SPDYA: variants seen among roughly 807,000 people sequenced by gnomAD.
The protein encoded by SPDYA is speedy/RINGO cell cycle regulator family member A, also known as speedy protein A.
Under a neutral mutation model 36.7 loss-of-function variants are expected in SPDYA, and 11 were observed. The observed-to-expected ratio is 0.30, with a 90% confidence interval of 0.19 to 0.50. The LOEUF (loss-of-function observed/expected upper bound fraction) is 0.50, where lower values mean the gene tolerates loss of function less well. Among genes scored for constraint, SPDYA ranks in the 20% least tolerant of loss-of-function variants. The probability of loss-of-function intolerance (pLI) is 0.98; values close to 1 mark genes in which losing one functional copy is unlikely to be tolerated. For missense variants in SPDYA, 287 were observed against 370.9 expected, an observed-to-expected ratio of 0.77 and a Z score of 1.86; for synonymous variants, 115 against 118.7, an observed-to-expected ratio of 0.97 and a Z score of 0.20.
In SPDYA at chr2:28,840,345, G is replaced by A. The variant is rs772742815; in HGVS notation, c.726G>A (p.Leu242=). The change falls in exon 7 of 8, where the codon TTG becomes TTA. Residue 242 remains leucine (L), a synonymous_variant. Coordinates refer to ENST00000334056, the MANE Select transcript of SPDYA (RefSeq NM_182756.4). ...GKKRRYVRLG[L]SSSSSLSSHT... ...AAAGAAGATATGTTAGACTGGGATT[G>A]TCTTCATCATCATCTTTATCCAGTC... 1.1e-5 allele frequency: 18 copies of A among 1,610,980 alleles called. No individual in the cohort carries two copies. In the African/African-American group the frequency reaches 2.3e-4, roughly 20 times the overall value.
chr2:28,812,772 G>A (rs945680622), intron 1 of SPDYA, among the ~76,000 whole-genome samples: 4 of 145,468 alleles, frequency 2.7e-5, no homozygotes, highest in Admixed American at 2.2e-4. Context: ...CTGGAGAATC[G>A]CTTGAACCCA....
At chr2:28,818,078 G>A (rs1668033471) in intron 3 of SPDYA, among the ~76,000 whole-genome samples, 1 of 143,110 alleles carries the variant, frequency 7.0e-6, no homozygotes, top group African/African-American at 2.6e-5. Context: ...GAGGTGGGAG[G>A]ATCTCAAACC....
chr2:28,819,173 G>A (rs546318941), intron 4 of SPDYA, 67 bp downstream of exon 4: 2 of 1,191,790 alleles, frequency 1.7e-6, no homozygotes, highest in African/African-American at 1.5e-5. Flanking sequence ...GAGCTTTAAT[G>A]AGACCTTATA....
At chr2:28,840,857 T>C (rs1444874444) in intron 7 of SPDYA, 2 of 803,922 alleles carry the variant, frequency 2.5e-6, no homozygotes, top group African/African-American at 1.9e-5. Context: ...AGAACCATAC[T>C]ATATATCTAG....
chr2:28,826,949 C>CTTTTTTT (rs1309143694), intron 5 of SPDYA, among the ~76,000 whole-genome samples: 2 of 113,808 alleles, frequency 1.8e-5, no homozygotes, highest in African/African-American at 3.4e-5. Flanking sequence ...TCTTTTCTTT[C>CTTTTTTT]TTTTTTTTTT....
chr2:28,845,559 T>C (rs1668851749), intron 7 of SPDYA, among the ~76,000 whole-genome samples: 1 of 152,198 alleles, frequency 6.6e-6, no homozygotes, highest in East Asian at 1.9e-4. Context: ...TTTCTTTGTT[T>C]GTTTGAGATG....
intron 7 of SPDYA, 188 bp downstream of exon 7, chr2:28,840,657 T>TA (rs1337438871): frequency 1.5e-6 from 2 of 1,354,630 alleles, no homozygotes; most frequent in Non-Finnish European, 1.9e-6. Flanking sequence ...GTGACCCACC[T>TA]AAACAGATTT....
intron 6 of SPDYA, among the ~76,000 whole-genome samples, chr2:28,836,217 A>G (rs1056725006): frequency 6.6e-6 from 1 of 152,266 alleles, no homozygotes; most frequent in Non-Finnish European, 1.5e-5. Context: ...ACTCAAAATC[A>G]TAGAAGTTGC....
chr2:28,837,718 G>C (rs1668641418), intron 6 of SPDYA, among the ~76,000 whole-genome samples: 1 of 150,080 alleles, frequency 6.7e-6, no homozygotes, highest in Non-Finnish European at 1.5e-5. Flanking sequence ...TTCAGGCCTA[G>C]GCAGTCTGAC....
At chr2:28,818,912 C>A in intron 3 of SPDYA, 136 bp from the exon 4 acceptor site, 1 of 628,004 alleles carries the variant, frequency 1.6e-6, no homozygotes. Context: ...CTGAAAACTC[C>A]ACCTTAGGCA....
chr2:28,832,393 T>C (rs1187439391), intron 6 of SPDYA, among the ~76,000 whole-genome samples: 1 of 152,160 alleles, frequency 6.6e-6, no homozygotes, highest in Non-Finnish European at 1.5e-5. Context: ...TTCATTAGAG[T>C]GCCCCAGGGC....
At chr2:28,817,519 C>G (rs1326797447) in intron 3 of SPDYA, among the ~76,000 whole-genome samples, 1 of 149,358 alleles carries the variant, frequency 6.7e-6, no homozygotes, top group Non-Finnish European at 1.5e-5. Context: ...CGAGATCGCA[C>G]CATTGCACTC....
At chr2:28,844,802 G>C (rs895540709) in intron 7 of SPDYA, among the ~76,000 whole-genome samples, 31 of 151,794 alleles carry the variant, frequency 2.0e-4, no homozygotes, top group Non-Finnish European at 3.2e-4. Context: ...GGCATGGTGC[G>C]GGTGCCTGTA....
Position 28,814,594 on chromosome 2 carries a change from A to T in SPDYA, c.-92-19A>T, listed in dbSNP as rs1341518054. 1.3e-5 allele frequency: 2 copies of T among 152,180 alleles called. No homozygotes were observed. The highest frequency in any genetic ancestry group is 4.8e-5 in the African/African-American group (2 of 41,444). The allele number at this position is 152,180 out of a possible 1,614,324, so 9.4% of individuals were successfully genotyped here. A position where few individuals can be genotyped will look rare whatever the true frequency, so the allele number is the denominator to read the frequency against. Reference sequence around the variant, plus strand: ...GACAGTGCTGTTCTAACCTCGCTAAATCCAATCTTATTTTCCAGTCCTTCC... The same window carrying T: ...GACAGTGCTGTTCTAACCTCGCTAATTCCAATCTTATTTTCCAGTCCTTCC... On this transcript the variant is annotated intron_variant, in intron 1 of 7. Coordinates refer to ENST00000334056, the MANE Select transcript of SPDYA (RefSeq NM_182756.4).
At chr2:28,848,607 G>T (rs1049385704) in intron 7 of SPDYA, among the ~76,000 whole-genome samples, 1 of 152,152 alleles carries the variant, frequency 6.6e-6, no homozygotes, top group Non-Finnish European at 1.5e-5. Flanking sequence ...AAAAGGCAGA[G>T]ATTTTACTTT....
intron 4 of SPDYA, 110 bp downstream of exon 4, chr2:28,819,216 A>C (rs1273372009): frequency 3.6e-6 from 3 of 834,610 alleles, no homozygotes; most frequent in African/African-American, 1.7e-5. Context: ...ATGATTAAGA[A>C]AAGAGCTAGT....
chr2:28,823,380 T>C (rs1391149936), intron 5 of SPDYA, among the ~76,000 whole-genome samples: 1 of 152,010 alleles, frequency 6.6e-6, no homozygotes, highest in African/African-American at 2.4e-5. Flanking sequence ...CCCAACACTT[T>C]GGGAGGCCGA....
At chr2:28,825,484 C>CA (rs1337185788) in intron 5 of SPDYA, among the ~76,000 whole-genome samples, 1 of 152,026 alleles carries the variant, frequency 6.6e-6, no homozygotes, top group Non-Finnish European at 1.5e-5. Context: ...TGTATGGCCT[C>CA]AATAGTTCTC....
At chr2:28,846,017 G>A (rs1265206539) in intron 7 of SPDYA, among the ~76,000 whole-genome samples, 2 of 152,114 alleles carry the variant, frequency 1.3e-5, no homozygotes, top group Admixed American at 6.6e-5. Flanking sequence ...CTGAAAATAT[G>A]AAGTTCAAAA....
Sources: gnomAD v4.1 joint callset for allele counts (sites outside exome capture counted in the v4.1 genomes callset) on GRCh38, gnomAD v4.1.1 for gene constraint, MANE v1.5 for transcripts, NCBI Gene and HGNC (gene_info 2026-07-23, HGNC 2026-07-21) for gene names.